The following STARD6 variants were observed in gnomAD, a reference collection of about 807,000 sequenced individuals.
The protein encoded by STARD6 is StAR related lipid transfer domain containing 6.
STARD6 carries 21 observed loss-of-function variants against 22.3 expected under a neutral mutation model. The ratio of observed to expected loss-of-function variants is 0.94; its 90% CI spans 0.67 to 1.35. STARD6 has a LOEUF of 1.35. Ranked by LOEUF, STARD6 falls within the 40% of genes most tolerant of loss-of-function variation. The pLI is 0.00. For missense variants in STARD6, 269 were observed against 266.9 expected, an observed-to-expected ratio of 1.01 and a Z score of -0.05; for synonymous variants, 80 against 88.1, an observed-to-expected ratio of 0.91 and a Z score of 0.52.
intron 4 of STARD6, among the ~76,000 whole-genome samples, chr18:54,344,053 A>AG (rs1212624857): frequency 1.1e-4 from 5 of 45,754 alleles, no homozygotes; most frequent in Non-Finnish European, 1.5e-4. Context: ...CTGCCCGGCC[A>AG]CCACCCCGTC....
intron 6 of STARD6, among the ~76,000 whole-genome samples, chr18:54,331,148 C>G (rs1193765445): frequency 6.6e-6 from 1 of 152,020 alleles, no homozygotes; most frequent in African/African-American, 2.4e-5. Flanking sequence ...TACCCAAGTT[C>G]CTTCACCATG....
At chr18:54,346,491 A>T (rs2089037400) in intron 4 of STARD6, among the ~76,000 whole-genome samples, 1 of 152,130 alleles carries the variant, frequency 6.6e-6, no homozygotes, top group Admixed American at 6.5e-5. Context: ...AGTCTCTAAA[A>T]TGATCTAGTA....
chr18:54,344,598 A>AAAAG (rs1555681377), intron 4 of STARD6, among the ~76,000 whole-genome samples: 7 of 148,430 alleles, frequency 4.7e-5, no homozygotes, highest in African/African-American at 1.2e-4. Context: ...AAAAAAAAAA[A>AAAAG]AAAGAAAATA....
intron 4 of STARD6, among the ~76,000 whole-genome samples, chr18:54,351,899 G>GTTTTTTTTTTTTT (rs60888927): frequency 1.4e-5 from 1 of 70,660 alleles, no homozygotes; most frequent in African/African-American, 7.8e-5. Context: ...ATATTGGTCC[G>GTTTTTTTTTTTTT]TTTTTTTTTT....
At chr18:54,350,497 A>T (rs1657891) in intron 4 of STARD6, among the ~76,000 whole-genome samples, 114,768 of 152,092 alleles carry the variant, frequency 0.75, 44,224 homozygotes, top group African/African-American at 0.93. Context: ...TTAGGTCCCA[A>T]CTATTTATTT....
At position 54,357,438 on chromosome 18, in the gene STARD6, C is replaced by T. The variant is rs1000728798; in HGVS notation, c.-89+354G>A. Reference sequence around the variant, plus strand: ...AGGCTCCGGGGTGTGAGAGGAAAGGCACTGAAGAGGGAGTGAAAGAAGTGG... The same window carrying T: ...AGGCTCCGGGGTGTGAGAGGAAAGGTACTGAAGAGGGAGTGAAAGAAGTGG... On this transcript the variant is annotated intron_variant, in intron 1 of 7. Transcript: ENST00000307844. 1.9e-4 allele frequency among the ~76,000 whole-genome samples: 29 copies of T among 152,216 alleles called. No individual in the cohort carries two copies. The East Asian group carries it at 5.2e-3, about 27-fold the overall frequency.
chr18:54,329,697 A>G (rs2088851440), intron 6 of STARD6, among the ~76,000 whole-genome samples: 1 of 152,016 alleles, frequency 6.6e-6, no homozygotes, highest in Admixed American at 6.6e-5. Flanking sequence ...AAAAATGGTT[A>G]AAAGTATCAT....
intron 5 of STARD6, among the ~76,000 whole-genome samples, chr18:54,333,783 T>C (rs1180147742): frequency 6.6e-6 from 1 of 152,210 alleles, no homozygotes; most frequent in African/African-American, 2.4e-5. Context: ...AATGATAATA[T>C]GATGGCAGAT....
At chr18:54,344,445 G>A (rs1165540732) in intron 4 of STARD6, among the ~76,000 whole-genome samples, 4 of 88,668 alleles carry the variant, frequency 4.5e-5, no homozygotes, top group East Asian at 2.6e-4. Context: ...GCGGAAGGCC[G>A]CAGGGTCCTC....
At chr18:54,339,826 C>G (rs187368539) in intron 4 of STARD6, among the ~76,000 whole-genome samples, 1 of 152,198 alleles carries the variant, frequency 6.6e-6, no homozygotes, top group African/African-American at 2.4e-5. Flanking sequence ...TGTTACAATA[C>G]AGTATAATTA....
chr18:54,338,746 G>A (rs1476898543), intron 4 of STARD6, among the ~76,000 whole-genome samples: 2 of 151,574 alleles, frequency 1.3e-5, no homozygotes, highest in African/African-American at 4.9e-5. Flanking sequence ...TAAAGATGTT[G>A]GAATTATCAT....
intron 4 of STARD6, among the ~76,000 whole-genome samples, chr18:54,337,538 C>T (rs3859341): frequency 0.17 from 26,167 of 152,060 alleles, 2,429 homozygotes; most frequent in Middle Eastern, 0.25. Flanking sequence ...TTTGACTGTA[C>T]GGTGGGTTGG....
chr18:54,331,913 G>T, intron 5 of STARD6, 54 bp from the exon 6 acceptor site: 3 of 1,284,700 alleles, frequency 2.3e-6, no homozygotes, highest in South Asian at 1.4e-5. Context: ...TCTATTCTTT[G>T]TATTGTTTCC....
At chr18:54,334,349 C>T (rs2144671668) in intron 5 of STARD6, among the ~76,000 whole-genome samples, 1 of 152,262 alleles carries the variant, frequency 6.6e-6, no homozygotes, top group East Asian at 1.9e-4. Flanking sequence ...ATGCTCCTTT[C>T]AGCAGCTGTC....
intron 4 of STARD6, among the ~76,000 whole-genome samples, chr18:54,343,282 A>G: frequency 9.2e-6 from 1 of 108,694 alleles, no homozygotes; most frequent in Non-Finnish European, 1.9e-5. Flanking sequence ...CCCGTCTGAG[A>G]AGTGAGGAGC....
At chr18:54,343,387 C>G (rs1359374853) in intron 4 of STARD6, among the ~76,000 whole-genome samples, 1 of 143,270 alleles carries the variant, frequency 7.0e-6, no homozygotes, top group Non-Finnish European at 1.5e-5. Flanking sequence ...CAGCCCCCCG[C>G]CCGGCCAGCC....
At chr18:54,330,327 T>C (rs1162151635) in intron 6 of STARD6, among the ~76,000 whole-genome samples, 1 of 152,042 alleles carries the variant, frequency 6.6e-6, no homozygotes, top group Non-Finnish European at 1.5e-5. Flanking sequence ...TTATAAAAGA[T>C]TTTTTCCCTG....
At chr18:54,344,549 G>GAA (rs1476797389) in intron 4 of STARD6, among the ~76,000 whole-genome samples, 2 of 73,862 alleles carry the variant, frequency 2.7e-5, no homozygotes, top group Non-Finnish European at 5.1e-5. Flanking sequence ...CCCTCTGTGA[G>GAA]AAACACCCAA....
intron 4 of STARD6, among the ~76,000 whole-genome samples, chr18:54,339,972 T>C (rs188453910): frequency 3.3e-5 from 5 of 152,104 alleles, no homozygotes; most frequent in Non-Finnish European, 7.4e-5. Flanking sequence ...TAAAGCTATA[T>C]GTGAATAAAA....
Sources: gnomAD v4.1 joint callset for allele counts (sites outside exome capture counted in the v4.1 genomes callset) on GRCh38, gnomAD v4.1.1 for gene constraint, MANE v1.5 for transcripts, NCBI Gene and HGNC (gene_info 2026-07-23, HGNC 2026-07-21) for gene names.